MCF2: variants seen among roughly 807,000 people sequenced by gnomAD.
MCF2 encodes the protein MCF.2 cell line derived transforming sequence.
Under a neutral mutation model 82.5 loss-of-function variants are expected in MCF2, and 44 were observed. The ratio of observed to expected loss-of-function variants is 0.53; its 90% CI spans 0.42 to 0.69. The LOEUF is 0.69. Ranked by LOEUF, MCF2 falls within the 30% of genes least tolerant of loss-of-function variation. MCF2 has a pLI of 0.00. For missense variants in MCF2, 623 were observed against 663.1 expected (o/e 0.94, Z 0.66); for synonymous variants, 217 against 224.9 (o/e 0.96, Z 0.32).
exon 3 of MCF2, chrX:139,631,434 G>A: frequency 1.1e-5 from 13 of 1,205,815 alleles, no homozygotes; most frequent in Non-Finnish European, 1.5e-5. Context: ...AGTACTGCAA[G>A]GTGCCGCCTA....
intron 10 of MCF2, 51 bp from the exon 15 acceptor site, chrX:139,610,389 C>T (rs1468615343): frequency 3.8e-6 from 3 of 781,127 alleles, no homozygotes; most frequent in African/African-American, 4.3e-5. Context: ...AAAGTCAGCA[C>T]TTTTAATAGA....
chrX:139,642,821 CAAG>C (rs1292812859), exon 1 of MCF2: 1 of 959,460 alleles, frequency 1.0e-6, no homozygotes, highest in African/African-American at 2.0e-5. Flanking sequence ...CTGGACTGCT[CAAG>C]AAGATCAGGC....
intron 23 of MCF2, among the ~76,000 whole-genome samples, chrX:139,585,601 G>T (rs1419900552): frequency 3.6e-5 from 4 of 112,029 alleles, no homozygotes; most frequent in Middle Eastern, 9.2e-3. Context: ...CACTCTGTTA[G>T]GCATTTCTCC....
chrX:139,674,534 TCAGCA>T (rs1934807052), intron 1 of MCF2, among the ~76,000 whole-genome samples: 1 of 112,116 alleles, frequency 8.9e-6, no homozygotes, highest in East Asian at 2.8e-4. Flanking sequence ...ACAAAATCTC[TCAGCA>T]TTTGCTTATC....
At chrX:139,699,743 T>C (rs1442569091) in intron 1 of MCF2, among the ~76,000 whole-genome samples, 2 of 112,522 alleles carry the variant, frequency 1.8e-5, no homozygotes, top group Admixed American at 1.9e-4. Flanking sequence ...TGTTTATTCA[T>C]TCATCAGTTG....
chrX:139,659,867 G>A (rs1243577619), intron 1 of MCF2, among the ~76,000 whole-genome samples: 1 of 111,792 alleles, frequency 8.9e-6, no homozygotes, highest in Non-Finnish European at 1.9e-5. Context: ...ATGAACAATC[G>A]CTACCATTTG....
chrX:139,652,688 G>C lies in MCF2; in HGVS notation c.-44-900C>G, dbSNP rs190709500. Among the ~76,000 whole-genome samples, 5 of 110,979 alleles carry C rather than the reference G, an allele frequency of 4.5e-5. No homozygotes were observed. The East Asian group carries it at 1.4e-3, about 31-fold the overall frequency. On this transcript the variant is annotated intron_variant, in intron 1 of 27. Transcript: ENST00000414978. ...CGGGTCATCAAACTAGGCTATTTTG[G>C]CTTGTCGGTTTTAATGCCTGTGGTT...
At chrX:139,698,353 G>A (rs1470519584) in intron 1 of MCF2, among the ~76,000 whole-genome samples, 1 of 112,179 alleles carries the variant, frequency 8.9e-6, no homozygotes, top group East Asian at 2.8e-4. Flanking sequence ...TTAGAGTCAG[G>A]AATAGGAGTT....
At chrX:139,658,340 G>GT (rs201743508) in intron 1 of MCF2, among the ~76,000 whole-genome samples, 19 of 106,280 alleles carry the variant, frequency 1.8e-4, no homozygotes, top group Middle Eastern at 5.0e-3. Flanking sequence ...AGCAATGTGG[G>GT]TTTTTTTTTT....
rs1207498129 is a variant in MCF2 at position 139,593,593 on chromosome X, T to A, written c.2277+2956A>T. On this transcript the variant is annotated intron_variant, in intron 19 of 24. Coordinates refer to ENST00000370576, the Ensembl canonical transcript of MCF2. Reference sequence around the variant, plus strand: ...GCAGAGACACAACCAAAAAAGAGAATTTTAGACCAATATCCTTGATGAACA... The same window carrying A: ...GCAGAGACACAACCAAAAAAGAGAAATTTAGACCAATATCCTTGATGAACA... 8.1e-5 allele frequency among the ~76,000 whole-genome samples: 9 copies of A among 111,080 alleles called. No homozygotes were observed. The South Asian group carries it at 3.5e-3, about 43-fold the overall frequency.
intron 1 of MCF2, among the ~76,000 whole-genome samples, chrX:139,690,196 T>G (rs981476122): frequency 4.9e-5 from 5 of 101,777 alleles, no homozygotes; most frequent in African/African-American, 1.8e-4. Context: ...TGTCAACATG[T>G]AGGAGCCTTC....
At chrX:139,631,438 C>A in exon 3 of MCF2, 1 of 1,205,897 alleles carries the variant, frequency 8.3e-7, no homozygotes. Context: ...CTGCAAGGTG[C>A]CGCCTAACTC....
chrX:139,684,726 A>G (rs1054061139), intron 1 of MCF2, among the ~76,000 whole-genome samples: 3 of 112,129 alleles, frequency 2.7e-5, no homozygotes, highest in African/African-American at 9.7e-5. Flanking sequence ...AAGAGATCAC[A>G]TATTGTATGA....
intron 1 of MCF2, among the ~76,000 whole-genome samples, chrX:139,689,073 G>A (rs1215933468): frequency 1.8e-5 from 2 of 111,024 alleles, no homozygotes; most frequent in African/African-American, 3.3e-5. Flanking sequence ...CGAACACCAC[G>A]ACTAGTCACC....
chrX:139,657,973 A>C lies in MCF2; in HGVS notation c.-44-6185T>G, dbSNP rs769163645. ...ACAAAGGCCAAGCTGCTCTGTGGTAAAGAAAAGAGAGGAAAATCAAGCATA... is the reference window on the plus strand; with the variant it reads ...ACAAAGGCCAAGCTGCTCTGTGGTACAGAAAAGAGAGGAAAATCAAGCATA... On this transcript the variant is annotated intron_variant, in intron 1 of 27. Coordinates refer to the MCF2 transcript ENST00000414978. Among the ~76,000 whole-genome samples the C allele has an allele frequency of 5.1e-4, 57 of 111,839 alleles. 1 individual carries two copies. The highest frequency in any genetic ancestry group is 1.5e-3 in the African/African-American group (46 of 30,785).
chrX:139,672,274 GCTT>G (rs925854632), intron 1 of MCF2, among the ~76,000 whole-genome samples: 1 of 112,176 alleles, frequency 8.9e-6, no homozygotes, highest in Admixed American at 9.4e-5. Flanking sequence ...GGACAATTTG[GCTT>G]CTTCTTTTCC....
At chrX:139,617,778 TA>T in intron 7 of MCF2, 74 bp from the exon 11 acceptor site, 1 of 640,224 alleles carries the variant, frequency 1.6e-6, no homozygotes, top group Admixed American at 4.2e-5. Context: ...AGAAAATAAT[TA>T]AGAAGCAAAA....
At chrX:139,687,206 C>CCT (rs1935147311) in intron 1 of MCF2, among the ~76,000 whole-genome samples, 1 of 112,230 alleles carries the variant, frequency 8.9e-6, no homozygotes, top group Admixed American at 9.5e-5. Context: ...CCCCCAGTCA[C>CCT]CTCTGGTAGT....
chrX:139,632,033 G>T (rs1932951147), intron 2 of MCF2, among the ~76,000 whole-genome samples: 1 of 110,927 alleles, frequency 9.0e-6, no homozygotes, highest in Non-Finnish European at 1.9e-5. Flanking sequence ...AAAATTTCCT[G>T]CTTATATACA....
Sources: allele counts gnomAD v4.1 joint callset (sites outside exome capture counted in the v4.1 genomes callset), GRCh38; gene constraint gnomAD v4.1.1; transcripts MANE v1.5; gene names NCBI Gene and HGNC (gene_info 2026-07-23, HGNC 2026-07-21).